The following PRKG1 variants were observed in gnomAD, a reference collection of about 807,000 sequenced individuals.
The protein encoded by PRKG1 is cGMP-dependent protein kinase 1.
Under a neutral mutation model 88.1 loss-of-function variants are expected in PRKG1, and 35 were observed. The ratio of observed to expected loss-of-function variants is 0.40; its 90% CI spans 0.30 to 0.53. PRKG1 has a LOEUF of 0.53. Ranked by LOEUF, PRKG1 falls within the 20% of genes least tolerant of loss-of-function variation. The probability of loss-of-function intolerance (pLI) is 0.59; values close to 1 mark genes in which losing one functional copy is unlikely to be tolerated. For missense variants in PRKG1, 540 were observed against 839.8 expected (o/e 0.64, Z 4.41); for synonymous variants, 303 against 292.5 (o/e 1.04, Z -0.37).
intron 3 of PRKG1, among the ~76,000 whole-genome samples, chr10:51,492,710 T>C (rs1840737841): frequency 6.6e-6 from 1 of 152,144 alleles, no homozygotes; most frequent in Admixed American, 6.6e-5. Flanking sequence ...CTTAATATCC[T>C]TAAACGGTTA....
At chr10:51,261,420 A>G (rs886296638) in intron 2 of PRKG1, among the ~76,000 whole-genome samples, 4 of 152,212 alleles carry the variant, frequency 2.6e-5, no homozygotes, top group Non-Finnish European at 4.4e-5. Flanking sequence ...TTTCTTTTCC[A>G]AAAATGAACC....
intron 1 of PRKG1, among the ~76,000 whole-genome samples, chr10:51,067,942 A>G (rs1022556059): frequency 6.6e-6 from 1 of 152,062 alleles, no homozygotes; most frequent in Non-Finnish European, 1.5e-5. Context: ...GAATTTTTAA[A>G]AATCCAGTCT....
Position 51,642,380 on chromosome 10 carries a change from G to C in PRKG1, c.593-162205G>C, listed in dbSNP as rs1399128276. 2.0e-5 allele frequency among the ~76,000 whole-genome samples: 3 copies of C among 151,896 alleles called. No homozygotes were observed. The East Asian group carries it at 5.8e-4, about 29-fold the overall frequency. The stretch of plus-strand genomic sequence containing the variant: ...ACTCCAGGCTGGTTGACAGAGCAAG[G>C]CTCCGTCTCAAAAAATAAAATAAAA... On this transcript the variant is annotated intron_variant, in intron 3 of 17. Transcript: ENST00000373980.
At chr10:51,699,569 G>C (rs771141009) in intron 3 of PRKG1, 16 of 1,589,366 alleles carry the variant, frequency 1.0e-5, no homozygotes, top group Non-Finnish European at 1.0e-5. Flanking sequence ...TGTGCAGACA[G>C]CCGATAGCGG....
At chr10:51,087,711 A>G (rs1436953389) in intron 1 of PRKG1, among the ~76,000 whole-genome samples, 1 of 152,210 alleles carries the variant, frequency 6.6e-6, no homozygotes, top group African/African-American at 2.4e-5. Flanking sequence ...GTGCCTTAGT[A>G]TAATGATAGT....
chr10:52,248,548 G>GT (rs1432051680), intron 9 of PRKG1, among the ~76,000 whole-genome samples: 1 of 152,098 alleles, frequency 6.6e-6, no homozygotes, highest in East Asian at 1.9e-4. Context: ...ACCTAGTAAT[G>GT]TTAGCAAAGT....
intron 1 of PRKG1, among the ~76,000 whole-genome samples, chr10:51,080,141 C>T (rs1184802856): frequency 6.6e-6 from 1 of 152,092 alleles, no homozygotes; most frequent in Admixed American, 6.6e-5. Flanking sequence ...AATGAAGTCC[C>T]GGGAGCATTT....
chr10:51,723,404 T>C (rs961121924), intron 3 of PRKG1, among the ~76,000 whole-genome samples: 1 of 152,054 alleles, frequency 6.6e-6, no homozygotes, highest in Non-Finnish European at 1.5e-5. Flanking sequence ...TTCTCACTCA[T>C]AAGTGGGAAT....
At chr10:51,511,153 C>T (rs950592975) in intron 3 of PRKG1, among the ~76,000 whole-genome samples, 2 of 152,100 alleles carry the variant, frequency 1.3e-5, no homozygotes, top group African/African-American at 2.4e-5. Context: ...AATCTTTGGA[C>T]ACAAGATGTT....
chr10:52,147,659 A>C (rs138486314), intron 8 of PRKG1, among the ~76,000 whole-genome samples: 47 of 152,302 alleles, frequency 3.1e-4, no homozygotes, highest in African/African-American at 1.1e-3. Flanking sequence ...GAAACAGAGG[A>C]TGCTTCTGAA....
rs536907441 is a variant in PRKG1 at position 51,181,122 on chromosome 10, T to C, written c.478+27792T>C. On this transcript the variant is annotated intron_variant, in intron 2 of 17. Coordinates refer to ENST00000373980, the MANE Select transcript of PRKG1 (RefSeq NM_006258.4). Reference sequence around the variant, plus strand: ...AGAAGAAAGGATTCTGGGGCAAATATGGTCTCATCCCAACCCATTGCAAAA... The same window carrying C: ...AGAAGAAAGGATTCTGGGGCAAATACGGTCTCATCCCAACCCATTGCAAAA... 3.4e-4 allele frequency among the ~76,000 whole-genome samples: 52 copies of C among 151,906 alleles called. 1 individual carries two copies. Among genetic ancestry groups the C allele is most frequent in the Admixed American group, 3.0e-3 (46 of 15,274 alleles).
intron 3 of PRKG1, among the ~76,000 whole-genome samples, chr10:51,612,754 T>A (rs1045015585): frequency 6.6e-6 from 1 of 152,066 alleles, no homozygotes; most frequent in Non-Finnish European, 1.5e-5. Flanking sequence ...TTGCTGTTGG[T>A]TTATCATATA....
intron 3 of PRKG1, among the ~76,000 whole-genome samples, chr10:51,736,220 C>T (rs903294924): frequency 2.6e-5 from 4 of 151,780 alleles, no homozygotes; most frequent in African/African-American, 9.7e-5. Flanking sequence ...TTCAAAAGTT[C>T]TCAAGTGGTG....
intron 2 of PRKG1, among the ~76,000 whole-genome samples, chr10:51,328,377 C>G (rs2132523069): frequency 6.6e-6 from 1 of 152,190 alleles, no homozygotes; most frequent in East Asian, 1.9e-4. Context: ...TCCATTCATC[C>G]ACTGATGGAC....
chr10:51,368,463 C>T (rs922007456), intron 2 of PRKG1, among the ~76,000 whole-genome samples: 1 of 151,134 alleles, frequency 6.6e-6, no homozygotes. Flanking sequence ...TTTGTATTAC[C>T]TCAGGTCATG....
At chr10:52,244,598 C>A (rs114246473) in intron 9 of PRKG1, among the ~76,000 whole-genome samples, 1 of 150,206 alleles carries the variant, frequency 6.7e-6, no homozygotes, top group Admixed American at 6.7e-5. Context: ...GTGAAAATAT[C>A]TTTTATTGGT....
chr10:50,999,460 G>T (rs987947169), intron 1 of PRKG1, among the ~76,000 whole-genome samples: 1 of 152,020 alleles, frequency 6.6e-6, no homozygotes, highest in African/African-American at 2.4e-5. Context: ...TTATCCTCTC[G>T]GACTTATTCC....
chr10:52,014,858 A>G (rs1478549601), intron 5 of PRKG1, among the ~76,000 whole-genome samples: 1 of 152,190 alleles, frequency 6.6e-6, no homozygotes, highest in Non-Finnish European at 1.5e-5. Flanking sequence ...CTCCAAAATA[A>G]TCTCCTTTGA....
At chr10:51,270,738 A>G (rs535242558) in intron 2 of PRKG1, among the ~76,000 whole-genome samples, 1 of 152,262 alleles carries the variant, frequency 6.6e-6, no homozygotes, top group South Asian at 2.1e-4. Flanking sequence ...GATCTGCACC[A>G]ATTCCACTCC....
Sources: gnomAD v4.1 joint callset for allele counts (sites outside exome capture counted in the v4.1 genomes callset) on GRCh38, gnomAD v4.1.1 for gene constraint, MANE v1.5 for transcripts, NCBI Gene and HGNC (gene_info 2026-07-23, HGNC 2026-07-21) for gene names.